ACLY: variants seen among roughly 807,000 people sequenced by gnomAD.
The protein encoded by ACLY is ATP citrate lyase.
In ACLY, 41 loss-of-function variants were observed where a neutral mutation model predicts 133.0. The ratio of observed to expected loss-of-function variants is 0.31; its 90% CI spans 0.24 to 0.40. The LOEUF is 0.40. Among genes scored for constraint, ACLY ranks in the 10% least tolerant of loss-of-function variants. The probability of loss-of-function intolerance (pLI) is 1.00; values close to 1 mark genes in which losing one functional copy is unlikely to be tolerated. For synonymous variants in ACLY, 495 were observed against 549.3 expected (o/e 0.90, Z 1.38); for missense variants, 1,046 against 1,453.8 (o/e 0.72, Z 4.56).
At chr17:41,919,130 G>T, upstream of ACLY, 2 of 1,133,756 alleles carry the variant, frequency 1.8e-6, no homozygotes, top group Non-Finnish European at 2.2e-6. Context: ...GGGCCCCGGG[G>T]CCTGCTGGGA....
At chr17:41,911,833 G>T (rs781894116) in intron 3 of ACLY, among the ~76,000 whole-genome samples, 1 of 151,646 alleles carries the variant, frequency 6.6e-6, no homozygotes, top group Non-Finnish European at 1.5e-5. Flanking sequence ...AAATAAAGTA[G>T]GCCGGGCGCA....
chr17:41,898,896 A>G, intron 11 of ACLY, 111 bp from the exon 12 acceptor site: 1 of 1,071,122 alleles, frequency 9.3e-7, no homozygotes, highest in South Asian at 1.6e-5. Flanking sequence ...TGGCGCATTC[A>G]GTGCAAGACC....
At chr17:41,918,474 T>C (rs1050474313) in intron 1 of ACLY, among the ~76,000 whole-genome samples, 2 of 152,174 alleles carry the variant, frequency 1.3e-5, no homozygotes, top group Non-Finnish European at 2.9e-5. Context: ...CTTTCTCTAC[T>C]TCCCGTCCCG....
intron 20 of ACLY, among the ~76,000 whole-genome samples, chr17:41,881,167 C>T (rs536717576): frequency 3.6e-4 from 55 of 152,012 alleles, no homozygotes; most frequent in African/African-American, 1.3e-3. Context: ...CGGTAACTCA[C>T]GGCTGTAATC....
At chr17:41,913,665 C>T in intron 2 of ACLY, 50 bp downstream of exon 2, 1 of 1,591,530 alleles carries the variant, frequency 6.3e-7, no homozygotes, top group Non-Finnish European at 8.6e-7. Context: ...GCTTTCTCTT[C>T]CTCAGACCCC....
At chr17:41,874,909 C>A in intron 22 of ACLY, among the ~76,000 whole-genome samples, 1 of 125,858 alleles carries the variant, frequency 7.9e-6, no homozygotes, top group Non-Finnish European at 1.6e-5. Context: ...GAGAAGCATT[C>A]CTTGTGTTAT....
chr17:41,889,084 C>T (rs1392104390), intron 16 of ACLY, among the ~76,000 whole-genome samples: 1 of 152,070 alleles, frequency 6.6e-6, no homozygotes, highest in Non-Finnish European at 1.5e-5. Context: ...CACAACTGCA[C>T]TACAGCCTGG....
At chr17:41,919,415 G>A (rs905933491), upstream of ACLY, among the ~76,000 whole-genome samples, 2 of 152,214 alleles carry the variant, frequency 1.3e-5, no homozygotes, top group African/African-American at 2.4e-5. Context: ...CGGCCGCACC[G>A]AATCCGATTG....
chr17:41,905,214 C>T (rs1259587416), intron 9 of ACLY, among the ~76,000 whole-genome samples: 2 of 152,200 alleles, frequency 1.3e-5, no homozygotes, highest in Admixed American at 6.5e-5. Context: ...CAGAGTTTAT[C>T]GCAATCGGAT....
chr17:41,909,359 C>T (rs1449674134), intron 5 of ACLY, 151 bp downstream of exon 5: 17 of 838,416 alleles, frequency 2.0e-5, no homozygotes, highest in East Asian at 1.8e-4. Context: ...AGCCAGTCCC[C>T]GCCCTGCACC....
intron 6 of ACLY, 24 bp downstream of exon 6, chr17:41,908,964 CT>C (rs782375784): frequency 3.8e-5 from 60 of 1,596,192 alleles, no homozygotes; most frequent in Non-Finnish European, 4.8e-5. Context: ...CCCTTGCCCC[CT>C]CCCAGCCAAG....
At chr17:41,882,363 T>C (rs1341998178) in intron 20 of ACLY, among the ~76,000 whole-genome samples, 10 of 9,736 alleles carry the variant, frequency 1.0e-3, no homozygotes, top group Non-Finnish European at 1.4e-3. Flanking sequence ...TGAGACCCTG[T>C]CTCCAAAAAA....
intron 1 of ACLY, among the ~76,000 whole-genome samples, chr17:41,926,392 C>G (rs2050244129): frequency 6.6e-6 from 1 of 152,254 alleles, no homozygotes; most frequent in African/African-American, 2.4e-5. Context: ...CAGGAAACCA[C>G]TGACTGGCTC....
At chr17:41,908,463 G>C (rs2049791998) in intron 6 of ACLY, among the ~76,000 whole-genome samples, 1 of 152,230 alleles carries the variant, frequency 6.6e-6, no homozygotes, top group African/African-American at 2.4e-5. Flanking sequence ...CACACAGTCA[G>C]ATCAAAACCA....
chr17:41,886,992 T>A (rs868987705), intron 17 of ACLY, among the ~76,000 whole-genome samples: 1 of 149,050 alleles, frequency 6.7e-6, no homozygotes, highest in African/African-American at 2.5e-5. Context: ...GGCGTGGTGG[T>A]TCACACCTAT....
In ACLY at chr17:41,878,887, G is replaced by A. The variant is rs1011460862; in HGVS notation, c.2303C>T (p.Ala768Val). Residue 768 changes from alanine to valine, a missense_variant, in exon 21 of 29, where the codon GCT (alanine) becomes GTT (valine). By Grantham distance (64) the Ala-to-Val change is moderately conservative. Transcript: ENST00000352035. ...GTTCTTGGCTACTGCAGTTTCAGAA[G>A]CCTGGTTGGCACAAGCTCCAGCATG... ...FGHAGACANQ[A>V]SETAVAKNQA... is the part of the protein sequence containing the mutation. 9.9e-6 allele frequency: 16 copies of A among 1,614,108 alleles called. No individual in the cohort carries two copies. The highest frequency in any genetic ancestry group is 1.0e-5 in the Non-Finnish European group (12 of 1,179,998).
upstream of ACLY, chr17:41,919,062 G>C: frequency 8.0e-7 from 1 of 1,254,630 alleles, no homozygotes; most frequent in Non-Finnish European, 1.0e-6. Flanking sequence ...GCGTTCCCTA[G>C]CCTGAGCGCC....
At chr17:41,920,732 G>A (rs1289201273), upstream of ACLY, among the ~76,000 whole-genome samples, 3 of 151,772 alleles carry the variant, frequency 2.0e-5, no homozygotes, top group Admixed American at 6.6e-5. Context: ...CATGGTAAGA[G>A]CCCCCACCAC....
chr17:41,898,501 A>G, intron 12 of ACLY, 130 bp downstream of exon 12: 1 of 1,283,326 alleles, frequency 7.8e-7, no homozygotes, highest in Non-Finnish European at 1.0e-6. Context: ...GCAGAGATCC[A>G]CAAACCAACC....
Sources: gnomAD v4.1 joint callset for allele counts (sites outside exome capture counted in the v4.1 genomes callset) on GRCh38, gnomAD v4.1.1 for gene constraint, MANE v1.5 for transcripts, NCBI Gene and HGNC (gene_info 2026-07-23, HGNC 2026-07-21) for gene names.